The following AARS1 variants were observed in gnomAD, a reference collection of about 807,000 sequenced individuals.
The protein encoded by AARS1 is alanine--tRNA ligase, cytoplasmic.
Under a neutral mutation model 108.9 loss-of-function variants are expected in AARS1, and 72 were observed. The observed-to-expected ratio is 0.66, with a 90% CI of 0.55 to 0.80. The LOEUF is 0.80. Ranked by LOEUF, AARS1 falls within the 30% of genes least tolerant of loss-of-function variation. The probability of loss-of-function intolerance (pLI) is 0.00; values close to 1 mark genes in which losing one functional copy is unlikely to be tolerated. For synonymous variants in AARS1, 489 were observed against 465.7 expected, an observed-to-expected ratio of 1.05 and a Z score of -0.64; for missense variants, 1,193 against 1,233.2, an observed-to-expected ratio of 0.97 and a Z score of 0.49.
chr16:70,280,048 T>C (rs550048460), intron 2 of AARS1, among the ~76,000 whole-genome samples: 3 of 152,156 alleles, frequency 2.0e-5, no homozygotes, highest in African/African-American at 7.2e-5. Flanking sequence ...CACCAGCTAA[T>C]TTTTCAATTT....
In AARS1 at chr16:70,262,445, C is replaced by T; in HGVS notation, c.1572G>A (p.Glu524=). 1 of 1,614,216 alleles carries T rather than the reference C, an allele frequency of 6.2e-7. No homozygotes were observed. The highest frequency in any genetic ancestry group is 2.2e-5 in the East Asian group (1 of 44,878). ...AGGTCTTGTCCAGCACCACTCCACA[C>T]TCCTGGCCTGTGGACACCTCTTCCA... ...MFVEEVSTGQ[E]CGVVLDKTCF... The change falls in exon 12 of 21, where the codon GAG becomes GAA. Residue 524 remains glutamate (E), a synonymous_variant. Transcript: ENST00000261772.
At position 70,252,692 on chromosome 16, in the gene AARS1, G is replaced by C; in HGVS notation, c.*29C>G. 6.2e-7 allele frequency: 1 copy of C among 1,611,786 alleles called. No individual in the cohort carries two copies. Among genetic ancestry groups the C allele is most frequent in the South Asian group, 1.1e-5 (1 of 90,886 alleles). ...TGAAGAGCTCTTGGCTGGACGGATG[G>C]ATCCAGTGGGAGCCTCCTCCTTCCC... On this transcript the variant is annotated 3_prime_UTR_variant, in exon 21 of 21. Coordinates refer to ENST00000261772, the MANE Select transcript of AARS1 (RefSeq NM_001605.3).
At chr16:70,260,939 A>C in intron 13 of AARS1, 105 bp downstream of exon 13, 1 of 865,674 alleles carries the variant, frequency 1.2e-6, no homozygotes, top group Non-Finnish European at 1.9e-6. Flanking sequence ...TGGGATTACA[A>C]GTGTGAGCCA....
Position 70,282,733 on chromosome 16 carries a change from G to A in AARS1, c.31C>T (p.Arg11Trp), listed in dbSNP as rs1434447541. 5 of 1,613,996 alleles carry A rather than the reference G, an allele frequency of 3.1e-6. No homozygotes were observed. The highest frequency in any genetic ancestry group is 1.1e-5 in the South Asian group (1 of 91,082). The change falls in exon 2 of 21, where the codon CGG becomes TGG. Residue 11 changes from arginine (R) to tryptophan (W), a missense_variant. By Grantham distance (101) the Arg-to-Trp change is moderately radical. Coordinates refer to ENST00000261772, the MANE Select transcript of AARS1 (RefSeq NM_001605.3). MDSTLTASEI[R>W]QRFIDFFKRN... ...TTGAAGAAATCTATAAATCGCTGCC[G>A]GATTTCACTTGCTGTTAGAGTAGAG...
At chr16:70,284,310 A>G (rs1307921925) in intron 1 of AARS1, among the ~76,000 whole-genome samples, 1 of 140,424 alleles carries the variant, frequency 7.1e-6, no homozygotes, top group Non-Finnish European at 1.6e-5. Flanking sequence ...CGTCTCAAAA[A>G]AAACAAAAAT....
rs1337326493 is a variant in AARS1 at position 70,269,781 on chromosome 16, G to C, written c.817-18C>G. On this transcript the variant is annotated intron_variant, in intron 6 of 20. Coordinates refer to ENST00000261772, the MANE Select transcript of AARS1 (RefSeq NM_001605.3). ...CCTGTGCCCTATAGATAAGAATCAGGAGGCAGCCCTTTAGGAAGCAGACTT... is the reference window on the plus strand; with the variant it reads ...CCTGTGCCCTATAGATAAGAATCAGCAGGCAGCCCTTTAGGAAGCAGACTT... 6.2e-7 allele frequency: 1 copy of C among 1,613,876 alleles called. No individual in the cohort carries two copies. The highest frequency in any genetic ancestry group is 8.5e-7 in the Non-Finnish European group (1 of 1,180,036).
In AARS1 at chr16:70,267,794, C is replaced by A; in HGVS notation, c.1087G>T (p.Glu363Ter). Residue 363 changes from glutamate to a stop codon, truncating the protein, a stop_gained, in exon 9 of 21, where the codon GAG becomes TAG. Transcript: ENST00000261772. LOFTEE classifies it high-confidence loss of function. The part of the protein sequence containing the change: ...VVQSLGDAFP[E>*]LKKDPDMVKD... ...ACCATGTCTGGGTCCTTCTTCAGCTCAGGAAATGCATCTCCCTGACAAAGG... is the reference window on the plus strand; with the variant it reads ...ACCATGTCTGGGTCCTTCTTCAGCTAAGGAAATGCATCTCCCTGACAAAGG... 2 of 1,614,170 alleles carry A rather than the reference C, an allele frequency of 1.2e-6. No homozygotes were observed. Among genetic ancestry groups the A allele is most frequent in the Non-Finnish European group, 1.7e-6 (2 of 1,180,044 alleles).
At chr16:70,272,921 C>CACACACACACACACACACACAT (rs1200665887) in intron 4 of AARS1, among the ~76,000 whole-genome samples, 4 of 150,770 alleles carry the variant, frequency 2.7e-5, no homozygotes, top group African/African-American at 9.7e-5. Flanking sequence ...CACACACACA[C>CACACACACACACACACACACAT]ACAAAAGATT....
At chr16:70,285,290 T>C (rs1483991406) in intron 1 of AARS1, among the ~76,000 whole-genome samples, 1 of 152,062 alleles carries the variant, frequency 6.6e-6, no homozygotes, top group Non-Finnish European at 1.5e-5. Flanking sequence ...TTAAGTTGTT[T>C]AGCTGAAAGT....
At chr16:70,272,278 G>A (rs2152163563) in intron 4 of AARS1, among the ~76,000 whole-genome samples, 1 of 152,160 alleles carries the variant, frequency 6.6e-6, no homozygotes, top group Admixed American at 6.6e-5. Context: ...GCCGAGGCGG[G>A]CGGATCACCT....
chr16:70,255,194 A>ATTTTTTTT lies in AARS1; in HGVS notation c.2287-468_2287-461dup, dbSNP rs946837808. Among the ~76,000 whole-genome samples the ATTTTTTTT allele has an allele frequency of 8.2e-4, 85 of 104,266 alleles. 1 individual carries two copies. Among genetic ancestry groups the ATTTTTTTT allele is most frequent in the African/African-American group, 3.1e-3 (83 of 27,038 alleles). The allele number at this position is 104,266 out of a possible 152,430, so 68.4% of individuals were successfully genotyped here. Reference sequence around the variant, plus strand: ...GGAGGGGGTAGATGGCCAGATTCACATTTTTTTTTTTTTTTTTTTTTTGGA... The same window carrying ATTTTTTTT: ...GGAGGGGGTAGATGGCCAGATTCACATTTTTTTTTTTTTTTTTTTTTTTTTTTTTTGGA... On this transcript the variant is annotated intron_variant, in intron 16 of 20. Coordinates refer to ENST00000261772, the MANE Select transcript of AARS1 (RefSeq NM_001605.3).
At position 70,258,226 on chromosome 16, in the gene AARS1, C is replaced by G. The variant is rs1410746723; in HGVS notation, c.1993-9G>C. The stretch of plus-strand genomic sequence containing the variant: ...TCCTGGGTATAGACGGCCTGCCAGA[C>G]CAAGAAGACAGAAAAGAGCTGGAAG... On this transcript the variant is annotated splice_polypyrimidine_tract_variant and intron_variant, in intron 14 of 20. Transcript: ENST00000261772. 1.3e-6 allele frequency: 2 copies of G among 1,580,870 alleles called. No homozygotes were observed. Among genetic ancestry groups the G allele is most frequent in the East Asian group, 4.6e-5 (2 of 43,164 alleles).
chr16:70,262,698 G>A (rs563814490), intron 11 of AARS1, among the ~76,000 whole-genome samples, 174 bp from the exon 12 acceptor site: 27 of 151,730 alleles, frequency 1.8e-4, no homozygotes, highest in Non-Finnish European at 3.4e-4. Flanking sequence ...GGCCGGGCGC[G>A]GTGGCTCCCC....
chr16:70,265,812 T>C (rs1960248983), intron 9 of AARS1, 150 bp from the exon 10 acceptor site: 1 of 925,252 alleles, frequency 1.1e-6, no homozygotes, highest in Admixed American at 2.1e-5. Context: ...ATCCAGCACA[T>C]CTTTTTCAGT....
intron 2 of AARS1, among the ~76,000 whole-genome samples, chr16:70,280,607 G>T (rs963829565): frequency 2.0e-5 from 3 of 152,126 alleles, no homozygotes; most frequent in African/African-American, 7.2e-5. Flanking sequence ...AAGGGCTGCA[G>T]ATGCCCCGGG....
intron 4 of AARS1, among the ~76,000 whole-genome samples, chr16:70,272,346 A>T (rs891468877): frequency 6.6e-6 from 1 of 151,594 alleles, no homozygotes; most frequent in Admixed American, 6.6e-5. Flanking sequence ...CTCTACTAAA[A>T]ATACAAAAAA....
Position 70,265,605 on chromosome 16 carries a change from A to G in AARS1, c.1280T>C (p.Leu427Pro). ...CACCAGGCCCTTCTCTTCAGCAATC[A>G]GTCCAGTCAGATCCACTGGAAACCC... is the stretch of plus-strand genomic sequence containing the variant. ...TYGFPVDLTG[L>P]IAEEKGLVVD... The change falls in exon 10 of 21, where the codon CTG becomes CCG. Residue 427 changes from leucine to proline, a missense_variant. Coordinates refer to ENST00000261772, the MANE Select transcript of AARS1 (RefSeq NM_001605.3). The G allele has an allele frequency of 6.2e-7, 1 of 1,613,982 alleles. No individual in the cohort carries two copies. The highest frequency in any genetic ancestry group is 8.5e-7 in the Non-Finnish European group (1 of 1,179,934).
intron 2 of AARS1, among the ~76,000 whole-genome samples, chr16:70,280,450 A>G (rs1370282309): frequency 6.6e-6 from 1 of 152,202 alleles, no homozygotes; most frequent in African/African-American, 2.4e-5. Context: ...AGATGTAATT[A>G]CAGGCGCACT....
intron 4 of AARS1, among the ~76,000 whole-genome samples, chr16:70,275,655 C>G (rs1288550532): frequency 6.6e-6 from 1 of 151,504 alleles, no homozygotes; most frequent in Non-Finnish European, 1.5e-5. Context: ...CCCAGCTACT[C>G]GGGAGGCTGA....
Sources: allele counts gnomAD v4.1 joint callset (sites outside exome capture counted in the v4.1 genomes callset), GRCh38; gene constraint gnomAD v4.1.1; transcripts MANE v1.5; gene names NCBI Gene and HGNC (gene_info 2026-07-23, HGNC 2026-07-21).